THSD7A: variants seen among roughly 807,000 people sequenced by gnomAD.
The protein encoded by THSD7A is thrombospondin type 1 domain containing 7A, also known as thrombospondin type-1 domain-containing protein 7A.
Under a neutral mutation model 231.3 loss-of-function variants are expected in THSD7A, and 96 were observed. That is an observed-to-expected ratio of 0.41 (90% CI 0.35 to 0.49). The LOEUF (loss-of-function observed/expected upper bound fraction) is 0.49, where lower values mean the gene tolerates loss of function less well. THSD7A is among the 20% of genes least tolerant of loss of function. The pLI is 0.05. For missense variants in THSD7A, 2,290 were observed against 2,070.2 expected, an observed-to-expected ratio of 1.11 and a Z score of -2.06; for synonymous variants, 940 against 743.3, an observed-to-expected ratio of 1.26 and a Z score of -4.30.
At chr7:11,554,538 A>G (rs1418028459) in intron 4 of THSD7A, among the ~76,000 whole-genome samples, 2 of 152,098 alleles carry the variant, frequency 1.3e-5, no homozygotes, top group African/African-American at 4.8e-5. Context: ...TTTGTTAAAT[A>G]GCTTTTGCTG....
chr7:11,395,297 T>C (rs1172713949), intron 23 of THSD7A, among the ~76,000 whole-genome samples: 2 of 152,144 alleles, frequency 1.3e-5, no homozygotes, highest in African/African-American at 4.8e-5. Context: ...ATGCACCCAA[T>C]GCAGGAGCAC....
At position 11,571,056 on chromosome 7, in the gene THSD7A, G is replaced by A. The variant is rs141597156; in HGVS notation, c.1453+19404C>T. ...ATTTTCTTGCTCCTTTCTCTAGTTAGGAGAATGGTTTTCAATGGGCTCAGC... is the reference window on the plus strand; with the variant it reads ...ATTTTCTTGCTCCTTTCTCTAGTTAAGAGAATGGTTTTCAATGGGCTCAGC... On this transcript the variant is annotated intron_variant, in intron 4 of 27. Coordinates refer to ENST00000423059, the MANE Select transcript of THSD7A (RefSeq NM_015204.3). Among the ~76,000 whole-genome samples the A allele has an allele frequency of 5.3e-3, 810 of 152,250 alleles. 4 individuals carry two copies. The highest frequency in any genetic ancestry group is 0.029 in the East Asian group (149 of 5,188).
At chr7:11,808,205 T>G (rs560053101) in intron 1 of THSD7A, among the ~76,000 whole-genome samples, 1 of 152,094 alleles carries the variant, frequency 6.6e-6, no homozygotes, top group South Asian at 2.1e-4. Context: ...CTTCCAAAAT[T>G]AAGTTGTTGC....
intron 6 of THSD7A, among the ~76,000 whole-genome samples, chr7:11,489,891 T>C (rs896533812): frequency 3.3e-5 from 5 of 152,016 alleles, no homozygotes; most frequent in African/African-American, 9.7e-5. Context: ...TTCTCTTTTT[T>C]CCCCCACATA....
chr7:11,568,993 A>AAAAAC (rs1554339995), intron 4 of THSD7A, among the ~76,000 whole-genome samples: 5 of 151,332 alleles, frequency 3.3e-5, no homozygotes, highest in African/African-American at 1.2e-4. Flanking sequence ...CTACAAAAAA[A>AAAAAC]AAAACAAACC....
chr7:11,424,336 G>C (rs1302723464), intron 16 of THSD7A, among the ~76,000 whole-genome samples: 1 of 152,204 alleles, frequency 6.6e-6, no homozygotes, highest in Non-Finnish European at 1.5e-5. Context: ...TAGCCAGTTT[G>C]ATACAAAAGA....
chr7:11,721,650 T>C (rs1355177507), intron 1 of THSD7A, among the ~76,000 whole-genome samples: 1 of 151,942 alleles, frequency 6.6e-6, no homozygotes, highest in Admixed American at 6.6e-5. Flanking sequence ...TTACTACTGA[T>C]AGAAGCTGCT....
chr7:11,831,917 G>A lies in THSD7A; in HGVS notation c.30C>T (p.Ser10=), dbSNP rs1459022903. 4.1e-6 allele frequency: 5 copies of A among 1,233,570 alleles called. No homozygotes were observed. Among genetic ancestry groups the A allele is most frequent in the Middle Eastern group, 3.1e-4 (1 of 3,192 alleles). The allele number at this position is 1,233,570 out of a possible 1,614,324, so 76.4% of individuals were successfully genotyped here. The change falls in exon 1 of 28, where the codon TCC becomes TCT. Residue 10 remains serine, a synonymous_variant. Coordinates refer to ENST00000423059, the MANE Select transcript of THSD7A (RefSeq NM_015204.3). This position sits in a 1 kb window ranked among gnomAD's most constrained non-coding sequence, Gnocchi z 5.0. Reference sequence around the variant, plus strand: ...GCGGCCCCGCAGCGCCCCGGCTCCCGGACGCCCAGCGCCTGGCTTGCAGCC... The same window carrying A: ...GCGGCCCCGCAGCGCCCCGGCTCCCAGACGCCCAGCGCCTGGCTTGCAGCC... The part of the protein sequence containing the change: MGLQARRWA[S]GSRGAAGPRR...
rs561525960 is a variant in THSD7A at position 11,677,849 on chromosome 7, T to A, written c.191-40888A>T. 2.6e-5 allele frequency among the ~76,000 whole-genome samples: 4 copies of A among 152,172 alleles called. 1 individual carries two copies. In the South Asian group the frequency reaches 6.2e-4, roughly 24 times the overall value. ...TCAGCTCTGGACCAAGCAGACCTAA[T>A]AGACGTCTACAAAACTCTCCACCCC... On this transcript the variant is annotated intron_variant, in intron 1 of 27. Transcript: ENST00000423059.
intron 6 of THSD7A, among the ~76,000 whole-genome samples, chr7:11,534,021 A>C (rs921035470): frequency 6.6e-6 from 1 of 152,170 alleles, no homozygotes; most frequent in Admixed American, 6.5e-5. Context: ...TTAGTGGAAG[A>C]TACCTTGTTC....
chr7:11,590,463 C>T lies in THSD7A; in HGVS notation c.1450G>A (p.Glu484Lys). The change falls in exon 4 of 28, where the codon GAA (glutamate) becomes AAA (lysine). Residue 484 changes from glutamate (E) to lysine (K), a missense_variant. Coordinates refer to ENST00000423059, the MANE Select transcript of THSD7A (RefSeq NM_015204.3). This position sits in a 1 kb window ranked among gnomAD's most constrained non-coding sequence, Gnocchi z 4.4. ...TTGAGAAGAAAGCAAAGGTTACCTTCTTTGTTCTTGTGGGTACTTAATTGT... is the reference window on the plus strand; with the variant it reads ...TTGAGAAGAAAGCAAAGGTTACCTTTTTTGTTCTTGTGGGTACTTAATTGT... ...LSQLSTHKNK[E>K]ASKPMDLKLC... The T allele has an allele frequency of 6.2e-7, 1 of 1,609,500 alleles. No homozygotes were observed. Among genetic ancestry groups the T allele is most frequent in the Non-Finnish European group, 8.5e-7 (1 of 1,178,122 alleles).
At chr7:11,429,731 T>A (rs543389851) in intron 13 of THSD7A, among the ~76,000 whole-genome samples, 2 of 152,322 alleles carry the variant, frequency 1.3e-5, no homozygotes, top group South Asian at 4.1e-4. Context: ...CTTGAAAATC[T>A]TATGTATGAA....
At chr7:11,416,297 A>G (rs939763706) in intron 17 of THSD7A, among the ~76,000 whole-genome samples, 2 of 152,214 alleles carry the variant, frequency 1.3e-5, no homozygotes, top group Non-Finnish European at 2.9e-5. Flanking sequence ...ATCCCTATTA[A>G]TAAGTTTAAG....
intron 23 of THSD7A, among the ~76,000 whole-genome samples, chr7:11,393,350 A>G (rs1783058240): frequency 6.6e-6 from 1 of 152,180 alleles, no homozygotes; most frequent in African/African-American, 2.4e-5. Flanking sequence ...CCACTCAGAG[A>G]CCCCGAACTG....
chr7:11,780,120 T>C (rs962577821), intron 1 of THSD7A, among the ~76,000 whole-genome samples: 1 of 152,220 alleles, frequency 6.6e-6, no homozygotes. Context: ...TATCTTTTCA[T>C]TGTATCCTCA....
At chr7:11,677,689 A>G (rs751873634) in intron 1 of THSD7A, among the ~76,000 whole-genome samples, 1 of 151,870 alleles carries the variant, frequency 6.6e-6, no homozygotes, top group Non-Finnish European at 1.5e-5. Context: ...AGGGCATTAC[A>G]TAATGGTAAA....
At chr7:11,815,069 C>T (rs935294383) in intron 1 of THSD7A, among the ~76,000 whole-genome samples, 3 of 138,350 alleles carry the variant, frequency 2.2e-5, no homozygotes, top group African/African-American at 7.7e-5. Context: ...TTCATGTAGC[C>T]ATTCCCTAAA....
intron 1 of THSD7A, among the ~76,000 whole-genome samples, chr7:11,772,843 A>G (rs1018706106): frequency 1.2e-4 from 18 of 152,202 alleles, no homozygotes; most frequent in African/African-American, 3.9e-4. Flanking sequence ...AAACCTGTAC[A>G]TGCAACCCCT....
intron 4 of THSD7A, among the ~76,000 whole-genome samples, chr7:11,556,495 G>T (rs1583967785): frequency 6.6e-6 from 1 of 151,866 alleles, no homozygotes; most frequent in East Asian, 1.9e-4. Flanking sequence ...TGTTTCAACT[G>T]TCAAATATAA....
Sources: allele counts gnomAD v4.1 joint callset (sites outside exome capture counted in the v4.1 genomes callset), GRCh38; gene constraint gnomAD v4.1.1; non-coding constraint Gnocchi (gnomAD v3.1); transcripts MANE v1.5; gene names NCBI Gene and HGNC (gene_info 2026-07-23, HGNC 2026-07-21).